Variants in TXNL4A observed in about 807,000 individuals in gnomAD.
The protein encoded by TXNL4A is thioredoxin-like protein 4A.
A neutral mutation model predicts 14.6 loss-of-function variants in TXNL4A; 17 were observed. The observed-to-expected ratio is 1.16, with a 90% CI of 0.80 to 1.74. The LOEUF is 1.74. Ranked by LOEUF, TXNL4A falls within the 40% of genes most tolerant of loss-of-function variation. TXNL4A has a pLI of 0.00. For missense variants in TXNL4A, 74 were observed against 195.2 expected, an observed-to-expected ratio of 0.38 and a Z score of 3.70; for synonymous variants, 83 against 70.6, an observed-to-expected ratio of 1.18 and a Z score of -0.88.
chr18:79,988,195 G>A, intron 1 of TXNL4A, 45 bp downstream of exon 1: 1 of 1,457,292 alleles, frequency 6.9e-7, no homozygotes, highest in Non-Finnish European at 9.2e-7. Context: ...GCGCGGGGCA[G>A]ATGCGGAAGC....
At chr18:79,988,214 C>A in intron 1 of TXNL4A, 26 bp downstream of exon 1, 1 of 1,491,120 alleles carries the variant, frequency 6.7e-7, no homozygotes, top group Non-Finnish European at 9.1e-7. Context: ...GCACAGCCCG[C>A]AGAGCGGGAG....
At chr18:80,006,963 A>G (rs112093164) in intron 1 of TXNL4A, among the ~76,000 whole-genome samples, 9 of 152,266 alleles carry the variant, frequency 5.9e-5, no homozygotes, top group African/African-American at 2.2e-4. Context: ...TTTACTGCAC[A>G]TGTGATGACA....
chr18:79,996,597 A>C (rs2051664365), intron 1 of TXNL4A, among the ~76,000 whole-genome samples: 1 of 152,186 alleles, frequency 6.6e-6, no homozygotes, highest in Non-Finnish European at 1.5e-5. Context: ...TTTTCATCGA[A>C]AGGTGAGCTT....
At chr18:80,031,290 G>A (rs2051919454) in intron 1 of TXNL4A, among the ~76,000 whole-genome samples, 1 of 152,162 alleles carries the variant, frequency 6.6e-6, no homozygotes, top group Admixed American at 6.5e-5. Flanking sequence ...CCACATTATT[G>A]TATTATGAGA....
intron 1 of TXNL4A, among the ~76,000 whole-genome samples, chr18:79,978,426 G>A (rs1469553301): frequency 6.6e-6 from 1 of 152,122 alleles, no homozygotes; most frequent in Non-Finnish European, 1.5e-5. Flanking sequence ...GTTTATCAGA[G>A]ATTTAGAAAA....
intron 1 of TXNL4A, among the ~76,000 whole-genome samples, chr18:80,002,054 G>A (rs1382014113): frequency 6.6e-6 from 1 of 152,132 alleles, no homozygotes; most frequent in Admixed American, 6.5e-5. Flanking sequence ...GGGATCTGGA[G>A]GGAGATAATT....
At chr18:80,019,454 A>G (rs2051834448) in intron 1 of TXNL4A, among the ~76,000 whole-genome samples, 1 of 152,222 alleles carries the variant, frequency 6.6e-6, no homozygotes, top group Non-Finnish European at 1.5e-5. Flanking sequence ...GGTCCCTCCC[A>G]CAACACATGG....
chr18:79,999,390 G>A (rs1023456122), intron 1 of TXNL4A, among the ~76,000 whole-genome samples: 2 of 151,978 alleles, frequency 1.3e-5, no homozygotes, highest in Non-Finnish European at 2.9e-5. Context: ...ACAAAAATTA[G>A]CCAGGCATGG....
chr18:79,990,074 A>C (rs8083761), upstream of TXNL4A, among the ~76,000 whole-genome samples: 2 of 152,222 alleles, frequency 1.3e-5, no homozygotes, highest in African/African-American at 4.8e-5. Flanking sequence ...TACAGTCTGA[A>C]GAGCCTGCTG....
chr18:79,983,992 C>T (rs1341987336), intron 1 of TXNL4A, among the ~76,000 whole-genome samples: 2 of 152,014 alleles, frequency 1.3e-5, no homozygotes, highest in Non-Finnish European at 2.9e-5. Flanking sequence ...CACCCTCAAC[C>T]GCCACTCAAC....
At chr18:79,983,714 A>G (rs1166780788) in intron 1 of TXNL4A, among the ~76,000 whole-genome samples, 2 of 152,260 alleles carry the variant, frequency 1.3e-5, no homozygotes, top group Admixed American at 6.5e-5. Flanking sequence ...AGCTCTCACA[A>G]TAACTTGCAA....
chr18:79,991,085 G>A (rs1227321327), upstream of TXNL4A, among the ~76,000 whole-genome samples: 3 of 146,344 alleles, frequency 2.0e-5, no homozygotes, highest in African/African-American at 8.0e-5. Flanking sequence ...TCCAGCCTGG[G>A]CGACAGAGCC....
intron 1 of TXNL4A, among the ~76,000 whole-genome samples, chr18:80,027,178 A>G (rs1331428756): frequency 1.3e-5 from 2 of 151,934 alleles, no homozygotes; most frequent in Non-Finnish European, 2.9e-5. Flanking sequence ...AGAAACCCCT[A>G]CTCAACCTTA....
chr18:80,002,609 A>T (rs2051704991), intron 1 of TXNL4A, among the ~76,000 whole-genome samples: 1 of 152,224 alleles, frequency 6.6e-6, no homozygotes, highest in Admixed American at 6.5e-5. Flanking sequence ...TTTTAAAATG[A>T]GGCTGGGTGT....
Position 79,973,325 on chromosome 18 carries a change from C to A in TXNL4A, c.*360G>T. 1 of 185,014 alleles carries A rather than the reference C, an allele frequency of 5.4e-6. No homozygotes were observed. Among genetic ancestry groups the A allele is most frequent in the Non-Finnish European group, 1.1e-5 (1 of 89,542 alleles). The allele number at this position is 185,014 out of a possible 1,614,324, so 11.5% of individuals were successfully genotyped here. On this transcript the variant is annotated 3_prime_UTR_variant, in exon 3 of 3. Transcript: ENST00000269601. ...CCGCCTGCAAAGCTGTGAGAGCACACATCTCTGTTAAAGCCCAGCTCGCGG... is the reference window on the plus strand; with the variant it reads ...CCGCCTGCAAAGCTGTGAGAGCACAAATCTCTGTTAAAGCCCAGCTCGCGG...
intron 1 of TXNL4A, among the ~76,000 whole-genome samples, chr18:80,019,378 C>CA (rs1161187559): frequency 6.6e-6 from 1 of 152,156 alleles, no homozygotes; most frequent in East Asian, 1.9e-4. Context: ...CATCAGGTCT[C>CA]AAGAGAATTT....
intron 1 of TXNL4A, among the ~76,000 whole-genome samples, chr18:79,984,872 T>C (rs954878947): frequency 6.6e-6 from 1 of 152,228 alleles, no homozygotes; most frequent in Non-Finnish European, 1.5e-5. Flanking sequence ...TAGGTAACAG[T>C]GAACCCCAAG....
At chr18:79,990,021 G>A (rs1420908362), upstream of TXNL4A, among the ~76,000 whole-genome samples, 1 of 152,176 alleles carries the variant, frequency 6.6e-6, no homozygotes, top group Non-Finnish European at 1.5e-5. Flanking sequence ...TCACTATGCA[G>A]ATGCTGTGGT....
rs2051745254 is a variant in TXNL4A, at chr18:80,008,172, T to G, written c.-61+25679A>C. Among the ~76,000 whole-genome samples the G allele has an allele frequency of 2.0e-5, 3 of 152,132 alleles. No homozygotes were observed. The South Asian group carries it at 6.2e-4, about 32-fold the overall frequency. On this transcript the variant is annotated intron_variant, in intron 1 of 2. Coordinates refer to the TXNL4A transcript ENST00000585474. ...AAAATGTTTTTCCGGGTGTTATGAG[T>G]GTGCTCTCCAGCTTCAGTGTGACTT... is the stretch of plus-strand genomic sequence containing the variant.
Sources: allele counts gnomAD v4.1 joint callset (sites outside exome capture counted in the v4.1 genomes callset), GRCh38; gene constraint gnomAD v4.1.1; transcripts MANE v1.5; gene names NCBI Gene and HGNC (gene_info 2026-07-23, HGNC 2026-07-21).